Variants in ZC3H12D observed in about 807,000 individuals in gnomAD.
ZC3H12D encodes probable ribonuclease ZC3H12D.
Under a neutral mutation model 24.2 loss-of-function variants are expected in ZC3H12D, and 11 were observed. That is an observed-to-expected ratio of 0.46 (90% CI 0.29 to 0.75). The LOEUF (loss-of-function observed/expected upper bound fraction) is 0.75. Ranked by LOEUF, ZC3H12D falls within the 30% of genes least tolerant of loss-of-function variation. ZC3H12D has a pLI of 0.11. For synonymous variants in ZC3H12D, 333 were observed against 341.8 expected, an observed-to-expected ratio of 0.97 and a Z score of 0.28; for missense variants, 740 against 767.7, an observed-to-expected ratio of 0.96 and a Z score of 0.43.
At chr6:149,458,502 A>C (rs1335922191) in intron 3 of ZC3H12D, among the ~76,000 whole-genome samples, 1 of 152,020 alleles carries the variant, frequency 6.6e-6, no homozygotes. Context: ...ACATATACTT[A>C]AGCAGCTTGT....
intron 2 of ZC3H12D, among the ~76,000 whole-genome samples, chr6:149,471,889 G>A (rs512685): frequency 0.16 from 23,866 of 152,184 alleles, 2,903 homozygotes; most frequent in East Asian, 0.62. Flanking sequence ...CCCCACCACC[G>A]CAAGGCCAGA....
rs1016635929 is a variant in ZC3H12D, at chr6:149,452,463, G to A, written c.787+153C>T. ...GTCAGTTCTACAATAACCCTGTCAG[G>A]AAAGTTAACTCTCCAGGTAGCACAG... is the stretch of plus-strand genomic sequence containing the variant. On this transcript the variant is annotated intron_variant, in intron 5 of 5. Coordinates refer to ENST00000409806, the MANE Select transcript of ZC3H12D (RefSeq NM_207360.3). The surrounding 1 kb of genome is among the most constrained non-coding windows in gnomAD (Gnocchi z 4.0). 6 of 570,550 alleles carry A rather than the reference G, an allele frequency of 1.1e-5. No homozygotes were observed. The highest frequency in any genetic ancestry group is 1.7e-5 in the Non-Finnish European group (6 of 346,132). 35.3% of individuals were successfully genotyped at this position (570,550 alleles called of 1,614,324 possible).
At chr6:149,473,921 G>T (rs1171328820) in intron 2 of ZC3H12D, among the ~76,000 whole-genome samples, 1 of 151,988 alleles carries the variant, frequency 6.6e-6, no homozygotes. Flanking sequence ...CCAAAAGAAG[G>T]CTCTTCCTCT....
intron 3 of ZC3H12D, among the ~76,000 whole-genome samples, chr6:149,457,318 C>T (rs529471609): frequency 2.6e-5 from 4 of 152,324 alleles, no homozygotes; most frequent in Non-Finnish European, 5.9e-5. Flanking sequence ...TTCAGCATGA[C>T]GGGGAGCCTG....
At position 149,458,671 on chromosome 6, in the gene ZC3H12D, G is replaced by A. The variant is rs906747050; in HGVS notation, c.446-1771C>T. Among the ~76,000 whole-genome samples the A allele has an allele frequency of 1.3e-5, 2 of 152,236 alleles. 1 individual carries two copies. The highest frequency in any genetic ancestry group is 4.2e-4 in the South Asian group (2 of 4,818). On this transcript the variant is annotated intron_variant, in intron 3 of 5. Coordinates refer to ENST00000409806, the MANE Select transcript of ZC3H12D (RefSeq NM_207360.3). ...GAGCTGTATGGAAGGCACTTTACAA[G>A]GTAATGCCAAATTGTTTTCCAGAGT...
intron 3 of ZC3H12D, among the ~76,000 whole-genome samples, chr6:149,457,536 C>T (rs1276596847): frequency 1.3e-5 from 2 of 152,180 alleles, no homozygotes; most frequent in East Asian, 3.9e-4. Context: ...GGTACTTCAC[C>T]CCGGTTGAAT....
chr6:149,460,567 G>A (rs1355537893), intron 3 of ZC3H12D, among the ~76,000 whole-genome samples: 1 of 152,160 alleles, frequency 6.6e-6, no homozygotes, highest in South Asian at 2.1e-4. Flanking sequence ...GGGTGCGGTG[G>A]CTCACACATG....
chr6:149,484,697 T>C (rs1047325644), intron 1 of ZC3H12D, 116 bp downstream of exon 1: 3 of 152,740 alleles, frequency 2.0e-5, no homozygotes, highest in African/African-American at 7.2e-5. Flanking sequence ...AGGACTGCTC[T>C]CTAACAGCCC....
At chr6:149,463,572 G>C (rs917929629) in intron 2 of ZC3H12D, among the ~76,000 whole-genome samples, 2 of 152,238 alleles carry the variant, frequency 1.3e-5, no homozygotes, top group African/African-American at 2.4e-5. Flanking sequence ...AGCCAGGCGT[G>C]GTGGCGCATG....
intron 2 of ZC3H12D, among the ~76,000 whole-genome samples, chr6:149,470,581 T>C (rs908990777): frequency 6.6e-6 from 1 of 151,994 alleles, no homozygotes; most frequent in African/African-American, 2.4e-5. Flanking sequence ...TTCAAGCATA[T>C]GTAAAATAAC....
At chr6:149,466,092 T>C (rs865968015) in intron 2 of ZC3H12D, among the ~76,000 whole-genome samples, 11 of 151,992 alleles carry the variant, frequency 7.2e-5, no homozygotes, top group Admixed American at 3.3e-4. Flanking sequence ...TGGTGGACTG[T>C]CTGGGGATGG....
chr6:149,482,691 G>A (rs1345889000), intron 1 of ZC3H12D, among the ~76,000 whole-genome samples: 1 of 152,190 alleles, frequency 6.6e-6, no homozygotes, highest in Non-Finnish European at 1.5e-5. Flanking sequence ...CTGAGGAAAA[G>A]AGAAACAAAG....
rs747353769 is a variant in ZC3H12D at position 149,446,941 on chromosome 6, A to G, written c.*3742T>C. On this transcript the variant is annotated 3_prime_UTR_variant, in exon 6 of 6. Transcript: ENST00000409806. ...GGGAAGGCTGCCTCAGGGCAAACCCAAGATGGCAACAGCCTCTGGTTTGAT... is the reference window on the plus strand; with the variant it reads ...GGGAAGGCTGCCTCAGGGCAAACCCGAGATGGCAACAGCCTCTGGTTTGAT... 1 of 152,284 alleles carries G rather than the reference A, an allele frequency of 6.6e-6. No individual in the cohort carries two copies. Among genetic ancestry groups the G allele is most frequent in the Non-Finnish European group, 1.5e-5 (1 of 68,096 alleles). The allele number at this position is 152,284 out of a possible 1,614,324, so 9.4% of individuals were successfully genotyped here.
chr6:149,447,560 G>A lies in ZC3H12D; in HGVS notation c.*3123C>T, dbSNP rs1425752728. ...CAGTCTAAACCCACAATTTTTAACA[G>A]AACAGACCAATCTAGGGGAAAGCCA... On this transcript the variant is annotated 3_prime_UTR_variant, in exon 6 of 6. Coordinates refer to ENST00000409806, the MANE Select transcript of ZC3H12D (RefSeq NM_207360.3). 6.6e-6 allele frequency: 1 copy of A among 152,102 alleles called. No homozygotes were observed. The highest frequency in any genetic ancestry group is 2.4e-5 in the African/African-American group (1 of 41,428). The allele number at this position is 152,102 out of a possible 1,614,324, so 9.4% of individuals were successfully genotyped here.
At chr6:149,451,525 C>A (rs1486717765) in intron 5 of ZC3H12D, 46 bp from the exon 6 acceptor site, 1 of 1,477,234 alleles carries the variant, frequency 6.8e-7, no homozygotes, top group Admixed American at 2.1e-5. Context: ...GGCCCGGGGG[C>A]GCGGAGGGGC....
intron 2 of ZC3H12D, 125 bp downstream of exon 2, chr6:149,474,114 G>T: frequency 7.9e-6 from 6 of 761,410 alleles, no homozygotes; most frequent in Admixed American, 3.4e-5. Context: ...ATGGTACAGG[G>T]ATTCAAAGCC....
chr6:149,479,952 C>T (rs1401181668), intron 1 of ZC3H12D, among the ~76,000 whole-genome samples: 15 of 152,180 alleles, frequency 9.9e-5, no homozygotes, highest in African/African-American at 3.1e-4. Flanking sequence ...GAAGAAATCT[C>T]GAAGTCCCCT....
In ZC3H12D at chr6:149,456,609, G is replaced by A. The variant is rs546747324; in HGVS notation, c.680+57C>T. ...TGGTAGCAGGCGTGGCCACTGCCTC[G>A]ACCCCGGCCCCCCGCCCCGCCGCCC... On this transcript the variant is annotated intron_variant, in intron 4 of 5. Transcript: ENST00000409806. This position sits in a 1 kb window ranked among gnomAD's most constrained non-coding sequence, Gnocchi z 4.3. 477 of 1,384,792 alleles carry A rather than the reference G, an allele frequency of 3.4e-4. No homozygotes were observed. In the East Asian group the frequency reaches 9.1e-3, roughly 26 times the overall value. The allele number at this position is 1,384,792 out of a possible 1,614,324, so 85.8% of individuals were successfully genotyped here. A position where few individuals can be genotyped will look rare whatever the true frequency, so the allele number is the denominator to read the frequency against.
Position 149,456,528 on chromosome 6 carries a change from C to T in ZC3H12D, c.680+138G>A. On this transcript the variant is annotated intron_variant, in intron 4 of 5. Coordinates refer to ENST00000409806, the MANE Select transcript of ZC3H12D (RefSeq NM_207360.3). The surrounding 1 kb of genome is among the most constrained non-coding windows in gnomAD (Gnocchi z 4.3). The stretch of plus-strand genomic sequence containing the variant: ...GGACGTGCCCGCCGAGAATGCGGAC[C>T]TGGGGGAGCTCTGTCTGAGGGGCTG... The T allele has an allele frequency of 1.4e-6, 1 of 724,866 alleles. No homozygotes were observed. Among genetic ancestry groups the T allele is most frequent in the Non-Finnish European group, 2.3e-6 (1 of 442,520 alleles). 44.9% of individuals were successfully genotyped at this position (724,866 alleles called of 1,614,324 possible). A position where few individuals can be genotyped will look rare whatever the true frequency, so the allele number is the denominator to read the frequency against.
Sources: allele counts gnomAD v4.1 joint callset (sites outside exome capture counted in the v4.1 genomes callset), GRCh38; gene constraint gnomAD v4.1.1; non-coding constraint Gnocchi (gnomAD v3.1); transcripts MANE v1.5; gene names NCBI Gene and HGNC (gene_info 2026-07-23, HGNC 2026-07-21).